The following IRS2 variants were observed in gnomAD, a reference collection of about 807,000 sequenced individuals.
IRS2 encodes insulin receptor substrate 2.
In IRS2, 28 loss-of-function variants were observed where a neutral mutation model predicts 70.9. That is an observed-to-expected ratio of 0.39 (90% CI 0.29 to 0.54). The LOEUF is 0.54. Among genes scored for constraint, IRS2 ranks in the 20% least tolerant of loss-of-function variants. IRS2 has a pLI of 0.59. For synonymous variants in IRS2, 1,217 were observed against 981.9 expected, an observed-to-expected ratio of 1.24 and a Z score of -4.48; for missense variants, 2,081 against 2,024.1, an observed-to-expected ratio of 1.03 and a Z score of -0.54.
chr13:109,781,995 C>T (rs1877715638), intron 1 of IRS2, 47 bp downstream of exon 1: 12 of 1,597,894 alleles, frequency 7.5e-6, no homozygotes, highest in Non-Finnish European at 1.0e-5. Flanking sequence ...TCCCTCAGCG[C>T]CCCGCCCCTC....
rs943973887 is a variant in IRS2 at position 109,761,847 on chromosome 13, TA to T, written c.4013-5540del. On this transcript the variant is annotated intron_variant, in intron 1 of 1. Transcript: ENST00000375856. ...TCATTTCATTTTGAATGCTTGTTAG[TA>T]AAAAAAATTCCGAATATCAAGTTGC... Among the ~76,000 whole-genome samples, 276 of 152,210 alleles carry T rather than the reference TA, an allele frequency of 1.8e-3. 1 individual carries two copies. The highest frequency in any genetic ancestry group is 5.8e-3 in the African/African-American group (243 of 41,540).
chr13:109,756,421 A>G (rs1877108327), intron 1 of IRS2, 113 bp from the exon 2 acceptor site: 1 of 842,622 alleles, frequency 1.2e-6, no homozygotes, highest in Admixed American at 1.8e-5. Flanking sequence ...ATTTTCATAA[A>G]CTGATGACCT....
intron 1 of IRS2, among the ~76,000 whole-genome samples, chr13:109,781,277 C>G (rs1302276010): frequency 6.6e-6 from 1 of 152,164 alleles, no homozygotes; most frequent in Non-Finnish European, 1.5e-5. Flanking sequence ...ACTAGAAATG[C>G]ACAGCCTGGG....
At chr13:109,762,139 T>C (rs1594379779) in intron 1 of IRS2, among the ~76,000 whole-genome samples, 1 of 152,226 alleles carries the variant, frequency 6.6e-6, no homozygotes, top group Non-Finnish European at 1.5e-5. Flanking sequence ...TAACACAGAA[T>C]GTACACGGTT....
In IRS2 at chr13:109,785,574, G is replaced by C. The variant is rs1351813771; in HGVS notation, c.480C>G (p.Ala160=). 7 of 1,300,608 alleles carry C rather than the reference G, an allele frequency of 5.4e-6. No homozygotes were observed. Among genetic ancestry groups the C allele is most frequent in the South Asian group, 2.3e-5 (1 of 42,854 alleles). 80.6% of individuals were successfully genotyped at this position (1,300,608 alleles called of 1,614,324 possible). A position where few individuals can be genotyped will look rare whatever the true frequency, so the allele number is the denominator to read the frequency against. The change falls in exon 1 of 2, where the codon GCC becomes GCG. Residue 160 remains alanine (A), a synonymous_variant. Coordinates refer to ENST00000375856, the MANE Select transcript of IRS2 (RefSeq NM_003749.3). This position sits in a 1 kb window ranked among gnomAD's most constrained non-coding sequence, Gnocchi z 9.3. ...AGDAPPAAAP[A]ASCSASLPGA... ...CGGGCAGGGAGGCGCTGCAGGACGC[G>C]GCGGGCGCGGCGGCGGGGGGCGCGT...
rs992428292 is a variant in IRS2 at position 109,784,256 on chromosome 13, G to A, written c.1798C>T (p.Leu600=). Residue 600 remains leucine, a synonymous_variant, in exon 1 of 2, where the codon CTG becomes TTG. Coordinates refer to ENST00000375856, the MANE Select transcript of IRS2 (RefSeq NM_003749.3). This position sits in a 1 kb window ranked among gnomAD's most constrained non-coding sequence, Gnocchi z 5.2. ...CTGCCCGAGAAGGTGGCCCGCATCAGGGTGTATTCATCCAGCGAGGCAGAG... is the reference window on the plus strand; with the variant it reads ...CTGCCCGAGAAGGTGGCCCGCATCAAGGTGTATTCATCCAGCGAGGCAGAG... ...PSSASLDEYT[L]MRATFSGSAG... is the part of the protein sequence containing the mutation. 2.5e-6 allele frequency: 4 copies of A among 1,587,194 alleles called. No homozygotes were observed. Among genetic ancestry groups the A allele is most frequent in the African/African-American group, 2.7e-5 (2 of 74,420 alleles).
At position 109,785,790 on chromosome 13, in the gene IRS2, C is replaced by A. The variant is rs748188450; in HGVS notation, c.264G>T (p.Ala88=). The change falls in exon 1 of 2, where the codon GCG becomes GCT. Residue 88 remains alanine (A), a synonymous_variant. Coordinates refer to ENST00000375856, the MANE Select transcript of IRS2 (RefSeq NM_003749.3). This position sits in a 1 kb window ranked among gnomAD's most constrained non-coding sequence, Gnocchi z 9.3. ...AGTCGAGAGCGATCACCCGTTTCGG[C>A]GCGCCTGCCTTGCTCCGCCACTTTT... is the stretch of plus-strand genomic sequence containing the variant. ...SEKKWRSKAG[A]PKRVIALDCC... is the part of the protein sequence containing the mutation. 6 of 1,583,216 alleles carry A rather than the reference C, an allele frequency of 3.8e-6. No individual in the cohort carries two copies. In the African/African-American group the frequency reaches 6.7e-5, roughly 18 times the overall value.
At chr13:109,756,533 T>A (rs1482191621) in intron 1 of IRS2, among the ~76,000 whole-genome samples, 1 of 152,228 alleles carries the variant, frequency 6.6e-6, no homozygotes, top group Non-Finnish European at 1.5e-5. Flanking sequence ...TGGTGAGTTG[T>A]CTAGACAGTT....
chr13:109,770,419 C>A (rs149728793), intron 1 of IRS2, among the ~76,000 whole-genome samples: 2 of 152,262 alleles, frequency 1.3e-5, no homozygotes, highest in East Asian at 3.9e-4. Context: ...ATCTAGGAAT[C>A]GGGATAGCAG....
Position 109,782,343 on chromosome 13 carries a change from C to G in IRS2, c.3711G>C (p.Ser1237=). ...GLVGCPGSGG[S]PMRRETSAGF... ...CGGCAGAGGTCTCTCTGCGCATGGG[C>G]GATCCACCGCTCCCAGGACAACCGA... The change falls in exon 1 of 2, where the codon TCG becomes TCC. Residue 1237 remains serine, a synonymous_variant. Transcript: ENST00000375856. 1 of 1,611,642 alleles carries G rather than the reference C, an allele frequency of 6.2e-7. No individual in the cohort carries two copies. The highest frequency in any genetic ancestry group is 8.5e-7 in the Non-Finnish European group (1 of 1,179,402).
chr13:109,786,017 C>A lies in IRS2; in HGVS notation c.37G>T (p.Ala13Ser). Residue 13 changes from alanine (A) to serine (S), a missense_variant, in exon 1 of 2, where the codon GCG becomes TCG. Around this residue, in one of 4 missense-constraint regions of IRS2, gnomAD observed 320 missense variants for 352.9 expected, o/e 0.91. Coordinates refer to ENST00000375856, the MANE Select transcript of IRS2 (RefSeq NM_003749.3). The surrounding 1 kb of genome is among the most constrained non-coding windows in gnomAD (Gnocchi z 4.4). ...TTGAGGTTGGGGCCGTCTCCGCTCG[C>A]CGGCCCGGGCGGCCCGTGCCGCGGC... ...SPPRHGPPGP[A>S]SGDGPNLNNN... The A allele has an allele frequency of 7.2e-7, 1 of 1,385,812 alleles. No homozygotes were observed. Among genetic ancestry groups the A allele is most frequent in the Non-Finnish European group, 9.4e-7 (1 of 1,069,232 alleles). The allele number at this position is 1,385,812 out of a possible 1,614,324, so 85.8% of individuals were successfully genotyped here.
At chr13:109,782,011 C>T in intron 1 of IRS2, 31 bp downstream of exon 1, 2 of 1,608,748 alleles carry the variant, frequency 1.2e-6, no homozygotes, top group Non-Finnish European at 1.7e-6. Context: ...CCCTCCTTCC[C>T]GCCAGACGCC....
In IRS2 at chr13:109,784,324, G is replaced by A; in HGVS notation, c.1730C>T (p.Ser577Phe). 6.2e-7 allele frequency: 1 copy of A among 1,607,122 alleles called. No homozygotes were observed. The highest frequency in any genetic ancestry group is 8.5e-7 in the Non-Finnish European group (1 of 1,178,632). Residue 577 changes from serine (S) to phenylalanine (F), a missense_variant, in exon 1 of 2, where the codon TCC becomes TTC. By Grantham distance (155) the Ser-to-Phe change is radical (BLOSUM62 -2). Coordinates refer to ENST00000375856, the MANE Select transcript of IRS2 (RefSeq NM_003749.3). The surrounding 1 kb of genome is among the most constrained non-coding windows in gnomAD (Gnocchi z 5.2). ...CCGCTGCCGGGCTGGCGTGGTCAGG[G>A]AGTAGGTCCTCTTGCGCAGCCCTCG... ...LDRGLRKRTY[S>F]LTTPARQRPV...
In IRS2 at chr13:109,782,692, A is replaced by C; in HGVS notation, c.3362T>G (p.Leu1121Arg). The change falls in exon 1 of 2, where the codon CTG becomes CGG. Residue 1121 changes from leucine to arginine, a missense_variant. Around this residue, in one of 4 missense-constraint regions of IRS2, gnomAD observed 1,615 missense variants for 1,459.5 expected, o/e 1.11. Transcript: ENST00000375856. ...MEQVSGVEAF[L>R]QASQPPDPHR... ...GGGGTCCGGGGGCTGGCTGGCCTGC[A>C]GGAAGGCCTCGACTCCCGACACCTG... 6.3e-7 allele frequency: 1 copy of C among 1,583,456 alleles called. No individual in the cohort carries two copies. Among genetic ancestry groups the C allele is most frequent in the Non-Finnish European group, 8.6e-7 (1 of 1,166,414 alleles).
In IRS2 at chr13:109,754,354, C is replaced by T. The variant is rs1376330014; in HGVS notation, c.*1950G>A. On this transcript the variant is annotated 3_prime_UTR_variant, in exon 2 of 2. Transcript: ENST00000375856. ...TTTAAGCTGCAGTATGAACACGAAC[C>T]ATCTGTATAGTGTCATGACTACTCT... 1.4e-5 allele frequency: 3 copies of T among 215,454 alleles called. No homozygotes were observed. The highest frequency in any genetic ancestry group is 2.8e-5 in the Non-Finnish European group (3 of 107,034). 13.3% of individuals were successfully genotyped at this position (215,454 alleles called of 1,614,324 possible).
At chr13:109,763,327 A>G (rs1455948344) in intron 1 of IRS2, among the ~76,000 whole-genome samples, 1 of 152,220 alleles carries the variant, frequency 6.6e-6, no homozygotes, top group Non-Finnish European at 1.5e-5. Flanking sequence ...TAAAAACCAC[A>G]CTATCCTGTT....
Position 109,764,295 on chromosome 13 carries a change from C to T in IRS2, c.4013-7987G>A, listed in dbSNP as rs556637414. ...AAAGGCGCTGTCGCCACACCAGAGC[C>T]GGGTCCCCAGGGCTAGCATCTAGGA... On this transcript the variant is annotated intron_variant, in intron 1 of 1. Coordinates refer to ENST00000375856, the MANE Select transcript of IRS2 (RefSeq NM_003749.3). Among the ~76,000 whole-genome samples, 6 of 152,270 alleles carry T rather than the reference C, an allele frequency of 3.9e-5. No individual in the cohort carries two copies. In the South Asian group the frequency reaches 6.2e-4, roughly 16 times the overall value.
Position 109,755,883 on chromosome 13 carries a change from A to C in IRS2, c.*421T>G. The C allele has an allele frequency of 3.7e-6, 1 of 268,266 alleles. No individual in the cohort carries two copies. Among genetic ancestry groups the C allele is most frequent in the Non-Finnish European group, 7.3e-6 (1 of 137,668 alleles). 16.6% of individuals were successfully genotyped at this position (268,266 alleles called of 1,614,324 possible). The stretch of plus-strand genomic sequence containing the variant: ...GGTCGTTTTGAGTGTAAGCCAGTAA[A>C]TACCAGATTTTACCACTTCCATAGG... On this transcript the variant is annotated 3_prime_UTR_variant, in exon 2 of 2. Transcript: ENST00000375856.
Position 109,784,920 on chromosome 13 carries a change from C to T in IRS2, c.1134G>A (p.Ala378=), listed in dbSNP as rs1877868698. The change falls in exon 1 of 2, where the codon GCG becomes GCA. Residue 378 remains alanine (A), a synonymous_variant. Coordinates refer to ENST00000375856, the MANE Select transcript of IRS2 (RefSeq NM_003749.3). The surrounding 1 kb of genome is among the most constrained non-coding windows in gnomAD (Gnocchi z 5.2). The stretch of plus-strand genomic sequence containing the variant: ...CAGCCACCGACACCGGCCTGGCGCC[C>T]GCGGCCGCCGCTCCCGCCGCCGCGC... ...DGGAAAGAAA[A]GARPVSVAGS... 9.6e-7 allele frequency: 1 copy of T among 1,044,878 alleles called. No individual in the cohort carries two copies. Among genetic ancestry groups the T allele is most frequent in the African/African-American group, 1.7e-5 (1 of 58,094 alleles). The allele number at this position is 1,044,878 out of a possible 1,614,324, so 64.7% of individuals were successfully genotyped here.
Sources: gnomAD v4.1 joint callset for allele counts (sites outside exome capture counted in the v4.1 genomes callset) on GRCh38, gnomAD v4.1.1 for gene constraint, gnomAD v4.1.1 regional missense constraint, Gnocchi (gnomAD v3.1) non-coding constraint, MANE v1.5 for transcripts, NCBI Gene and HGNC (gene_info 2026-07-23, HGNC 2026-07-21) for gene names.